Variants in IKBIP observed in about 807,000 individuals in gnomAD.
IKBIP encodes the protein inhibitor of nuclear factor kappa-B kinase-interacting protein.
Under a neutral mutation model 31.0 loss-of-function variants are expected in IKBIP, and 28 were observed. The ratio of observed to expected loss-of-function variants is 0.90; its 90% CI spans 0.67 to 1.24. The LOEUF (loss-of-function observed/expected upper bound fraction) is 1.24. Among genes scored for constraint, IKBIP ranks in the 50% most tolerant of loss-of-function variants. The pLI, the probability that IKBIP is intolerant of heterozygous loss-of-function variation, is 0.00. For missense variants in IKBIP, 453 were observed against 441.9 expected (o/e 1.03, Z -0.23); for synonymous variants, 164 against 160.3 (o/e 1.02, Z -0.17).
intron 1 of IKBIP, among the ~76,000 whole-genome samples, chr12:98,635,700 A>C (rs1382723197): frequency 6.6e-6 from 1 of 152,264 alleles, no homozygotes; most frequent in African/African-American, 2.4e-5. Context: ...AAGTATTTTA[A>C]AACTGAAATG....
exon 3 of IKBIP, chr12:98,613,440 T>TTTA: frequency 1.9e-6 from 1 of 516,486 alleles, no homozygotes; most frequent in Non-Finnish European, 3.3e-6. Context: ...AATCAACCTG[T>TTTA]TTTAAAGTTT....
At chr12:98,622,146 A>T (rs2097610662), downstream of IKBIP, among the ~76,000 whole-genome samples, 1 of 151,444 alleles carries the variant, frequency 6.6e-6, no homozygotes, top group South Asian at 2.1e-4. Flanking sequence ...ACGTGTGGGT[A>T]TGTCATTTTA....
rs1460531546 is a variant in IKBIP, at chr12:98,624,757, CAG to C, written c.*1171_*1172del. ...CATAGTTATTATCATAATTAATTATCAGAGTTATGTTACTTTTCCCTCAAAAC... is the reference window on the plus strand; with the variant it reads ...CATAGTTATTATCATAATTAATTATCAGTTATGTTACTTTTCCCTCAAAAC... On this transcript the variant is annotated 3_prime_UTR_variant, in exon 3 of 3. Coordinates refer to ENST00000299157, the MANE Select transcript of IKBIP (RefSeq NM_153687.4). 33 of 891,358 alleles carry C rather than the reference CAG, an allele frequency of 3.7e-5. No homozygotes were observed. Among genetic ancestry groups the C allele is most frequent in the Admixed American group, 1.9e-4 (3 of 16,120 alleles). 55.2% of individuals were successfully genotyped at this position (891,358 alleles called of 1,614,324 possible). A position where few individuals can be genotyped will look rare whatever the true frequency, so the allele number is the denominator to read the frequency against.
intron 1 of IKBIP, among the ~76,000 whole-genome samples, chr12:98,636,782 CT>C (rs1055779134): frequency 3.0e-4 from 45 of 151,436 alleles, no homozygotes; most frequent in African/African-American, 1.0e-3. Context: ...TCATTTCTGG[CT>C]TTTAGGATTT....
intron 2 of IKBIP, among the ~76,000 whole-genome samples, chr12:98,630,155 G>C (rs371729580): frequency 6.6e-6 from 1 of 151,726 alleles, no homozygotes; most frequent in Non-Finnish European, 1.5e-5. Context: ...AGGCTGAGGC[G>C]GGTGGACCAC....
chr12:98,626,192 A>G lies in IKBIP; in HGVS notation c.872T>C (p.Ile291Thr), dbSNP rs367777306. The change falls in exon 3 of 3, where the codon ATA becomes ACA. Residue 291 changes from isoleucine (I) to threonine (T), a missense_variant. Ile to Thr is a moderately conservative substitution (Grantham distance 89). Transcript: ENST00000299157. ...HSVLRVSQDLIETEKKMEDLT... is the reference protein window; with the variant it reads ...HSVLRVSQDLTETEKKMEDLT... ...GTCTTCCATTTTCTTTTCTGTTTCT[A>G]TCAGATCCTGAGAGACTCTGAGAAC... The G allele has an allele frequency of 6.2e-6, 10 of 1,613,424 alleles. No individual in the cohort carries two copies. In the African/African-American group the frequency reaches 1.1e-4, roughly 17 times the overall value.
intron 1 of IKBIP, among the ~76,000 whole-genome samples, chr12:98,644,106 T>C (rs2153301897): frequency 6.6e-6 from 1 of 152,332 alleles, no homozygotes; most frequent in Middle Eastern, 3.4e-3. Context: ...AGGTTGCAAG[T>C]ATTTCCATTA....
chr12:98,633,391 A>T (rs918010953), intron 2 of IKBIP, among the ~76,000 whole-genome samples: 1 of 152,160 alleles, frequency 6.6e-6, no homozygotes, highest in African/African-American at 2.4e-5. Context: ...ATCTGGTAGA[A>T]ATCAGCAACT....
intron 2 of IKBIP, among the ~76,000 whole-genome samples, chr12:98,631,791 CAA>C (rs750178337): frequency 2.4e-5 from 2 of 81,780 alleles, no homozygotes; most frequent in African/African-American, 4.2e-5. Context: ...ACCTCCCCCA[CAA>C]AAAAAAAAAG....
In IKBIP at chr12:98,614,024, TTCTC is replaced by T. The variant is rs760450008; in HGVS notation, c.610_613del (p.Glu204LysfsTer2). On this transcript the variant is annotated frameshift_variant, in exon 3 of 3. Transcript: ENST00000342502. LOFTEE classifies it high-confidence loss of function. The stretch of plus-strand genomic sequence containing the variant: ...ATTTTTTACTGTATTTTTTTCTACT[TTCTC>T]TATTTTATTTTCTAGTTCTTGCACA... 4 of 1,609,440 alleles carry T rather than the reference TTCTC, an allele frequency of 2.5e-6. No homozygotes were observed. Among genetic ancestry groups the T allele is most frequent in the African/African-American group, 1.3e-5 (1 of 74,634 alleles).
intron 2 of IKBIP, among the ~76,000 whole-genome samples, chr12:98,627,599 C>G (rs992588333): frequency 1.3e-5 from 2 of 152,014 alleles, no homozygotes; most frequent in Non-Finnish European, 2.9e-5. Flanking sequence ...CCACCACACC[C>G]GGCTAATTTT....
rs1054744088 is a variant in IKBIP, at chr12:98,625,096, G to A, written c.*834C>T. The A allele has an allele frequency of 2.2e-5, 22 of 981,762 alleles. No individual in the cohort carries two copies. In the Admixed American group the frequency reaches 2.5e-4, roughly 11 times the overall value. 60.8% of individuals were successfully genotyped at this position (981,762 alleles called of 1,614,324 possible). A position where few individuals can be genotyped will look rare whatever the true frequency, so the allele number is the denominator to read the frequency against. ...TAGGATTACAGGTGTGAGCCACTGC[G>A]CCTGGCCTATTTAAGTAAACCATCT... On this transcript the variant is annotated 3_prime_UTR_variant, in exon 3 of 3. Coordinates refer to ENST00000299157, the MANE Select transcript of IKBIP (RefSeq NM_153687.4).
chr12:98,614,425 AATTTT>A (rs1325705729), intron 2 of IKBIP: 11 of 777,856 alleles, frequency 1.4e-5, no homozygotes, highest in Admixed American at 7.9e-5. Context: ...ATTTCTTTTT[AATTTT>A]AATTTTTTTT....
At chr12:98,628,909 A>G (rs139389961) in intron 2 of IKBIP, among the ~76,000 whole-genome samples, 24 of 152,208 alleles carry the variant, frequency 1.6e-4, no homozygotes, top group Admixed American at 1.6e-3. Flanking sequence ...GTAGATTATA[A>G]GTAGCGTCAC....
At chr12:98,638,894 G>A (rs1005528029) in intron 1 of IKBIP, among the ~76,000 whole-genome samples, 5 of 152,140 alleles carry the variant, frequency 3.3e-5, no homozygotes, top group Admixed American at 2.6e-4. Context: ...CGATCCTCTC[G>A]CCTTGGCCTC....
chr12:98,642,789 G>A (rs957092984), intron 1 of IKBIP, among the ~76,000 whole-genome samples: 3 of 151,256 alleles, frequency 2.0e-5, no homozygotes, highest in African/African-American at 7.3e-5. Context: ...AGTAGACACA[G>A]GGTTTTGCTA....
Position 98,626,003 on chromosome 12 carries a change from T to A in IKBIP, c.1061A>T (p.Tyr354Phe). The A allele has an allele frequency of 6.5e-7, 1 of 1,534,436 alleles. No individual in the cohort carries two copies. ...LKEKVHDFIA[Y>F]SSTGEKGTLK... ...AGTTCCCTTTTCTCCTGTACTTGAG[T>A]ATGCTATAAAATCATGAACTTTTTC... Residue 354 changes from tyrosine to phenylalanine, a missense_variant, in exon 3 of 3, where the codon TAC becomes TTC. By Grantham distance (22) the Tyr-to-Phe change is conservative. Transcript: ENST00000299157.
At chr12:98,620,658 C>A (rs1180020033), downstream of IKBIP, among the ~76,000 whole-genome samples, 1 of 152,168 alleles carries the variant, frequency 6.6e-6, no homozygotes, top group African/African-American at 2.4e-5. Context: ...GGCCACTGCA[C>A]CCAGCTAGGT....
chr12:98,640,229 G>A (rs1274441037), intron 1 of IKBIP, among the ~76,000 whole-genome samples: 1 of 152,146 alleles, frequency 6.6e-6, no homozygotes, highest in Non-Finnish European at 1.5e-5. Flanking sequence ...CTGAGGTTGG[G>A]AGTTTGACAC....
Sources: gnomAD v4.1 joint callset for allele counts (sites outside exome capture counted in the v4.1 genomes callset) on GRCh38, gnomAD v4.1.1 for gene constraint, MANE v1.5 for transcripts, NCBI Gene and HGNC (gene_info 2026-07-23, HGNC 2026-07-21) for gene names.